RNLS: variants seen among roughly 807,000 people sequenced by gnomAD.
The protein encoded by RNLS is renalase.
Under a neutral mutation model 39.8 loss-of-function variants are expected in RNLS, and 39 were observed. The ratio of observed to expected loss-of-function variants is 0.98; its 90% CI spans 0.76 to 1.28. RNLS has a LOEUF of 1.28. RNLS is among the 50% of genes most tolerant of loss of function. RNLS has a pLI of 0.00. For missense variants in RNLS, 410 were observed against 413.3 expected (o/e 0.99, Z 0.07); for synonymous variants, 147 against 150.7 (o/e 0.98, Z 0.18).
At chr10:88,219,150 T>C in the RNLS span, among the ~76,000 whole-genome samples, 3 of 152,344 alleles carry the variant, frequency 2.0e-5, no homozygotes, top group Admixed American at 2.0e-4. Context: ...GACCACATAG[T>C]AAGTATTTAA....
intron 4 of RNLS, among the ~76,000 whole-genome samples, chr10:88,547,402 T>C (rs1312447338): frequency 1.3e-5 from 2 of 152,194 alleles, no homozygotes; most frequent in African/African-American, 4.8e-5. Flanking sequence ...TCTAAACTAG[T>C]AAGGTTTTAC....
chr10:88,346,057 A>G (rs148412126), intron 5 of RNLS, among the ~76,000 whole-genome samples: 19 of 152,298 alleles, frequency 1.2e-4, no homozygotes, highest in African/African-American at 2.2e-4. Flanking sequence ...CAAGATTCCA[A>G]TGCAAGATAG....
chr10:88,236,258 A>C, the RNLS span, among the ~76,000 whole-genome samples: 1 of 152,258 alleles, frequency 6.6e-6, no homozygotes, highest in Non-Finnish European at 1.5e-5. Context: ...AACTGTTGGC[A>C]CACTTCTTGT....
intron 4 of RNLS, among the ~76,000 whole-genome samples, chr10:88,504,842 AGAGT>A (rs1268113725): frequency 0.014 from 1,458 of 106,742 alleles, 5 homozygotes; most frequent in Middle Eastern, 0.033. Context: ...AGAGAGAGAC[AGAGT>A]GTGTGTGTGT....
chr10:88,326,575 T>C (rs531641302), intron 5 of RNLS, among the ~76,000 whole-genome samples: 2 of 152,188 alleles, frequency 1.3e-5, no homozygotes, highest in African/African-American at 2.4e-5. Flanking sequence ...CATTCACAAA[T>C]AGATGATTTG....
At chr10:88,349,755 G>T (rs752709) in intron 5 of RNLS, among the ~76,000 whole-genome samples, 1 of 151,368 alleles carries the variant, frequency 6.6e-6, no homozygotes, top group African/African-American at 2.4e-5. Flanking sequence ...TATATACATT[G>T]TGTATATATA....
chr10:88,456,549 A>T (rs1225679010), intron 4 of RNLS, among the ~76,000 whole-genome samples: 1 of 152,186 alleles, frequency 6.6e-6, no homozygotes, highest in Non-Finnish European at 1.5e-5. Context: ...AATAGAATTC[A>T]GGTGAGGAAA....
intron 4 of RNLS, among the ~76,000 whole-genome samples, chr10:88,409,104 G>C (rs1853489576): frequency 6.6e-6 from 1 of 152,032 alleles, no homozygotes; most frequent in Non-Finnish European, 1.5e-5. Context: ...GATGAGAACA[G>C]GTAAAAATCT....
chr10:88,198,183 C>T, the RNLS span, among the ~76,000 whole-genome samples: 258 of 152,304 alleles, frequency 1.7e-3, 2 homozygotes, highest in African/African-American at 5.8e-3. Context: ...TTGCTCTGAC[C>T]ACCTTAGTCA....
intron 4 of RNLS, among the ~76,000 whole-genome samples, chr10:88,423,193 T>C (rs903571067): frequency 6.6e-6 from 1 of 152,210 alleles, no homozygotes; most frequent in Non-Finnish European, 1.5e-5. Flanking sequence ...AAATCTAATT[T>C]CTATTTTCCC....
At chr10:88,349,384 CTGT>C (rs2133272789) in intron 5 of RNLS, among the ~76,000 whole-genome samples, 1 of 152,214 alleles carries the variant, frequency 6.6e-6, no homozygotes, top group Non-Finnish European at 1.5e-5. Context: ...TGAAAGGGGT[CTGT>C]TGTTTGTTTT....
chr10:88,293,014 A>T (rs1649747975), intron 6 of RNLS, among the ~76,000 whole-genome samples: 1 of 152,074 alleles, frequency 6.6e-6, no homozygotes, highest in African/African-American at 2.4e-5. Flanking sequence ...ATGCCATTGC[A>T]CTCCAGCCTG....
chr10:88,560,475 T>A (rs551585932), intron 4 of RNLS, among the ~76,000 whole-genome samples: 126 of 152,016 alleles, frequency 8.3e-4, no homozygotes, highest in African/African-American at 2.9e-3. Flanking sequence ...CCAGGCAATA[T>A]AGGAAAAATA....
intron 4 of RNLS, among the ~76,000 whole-genome samples, chr10:88,559,097 G>A (rs907340094): frequency 1.3e-5 from 2 of 152,042 alleles, no homozygotes; most frequent in Admixed American, 6.6e-5. Flanking sequence ...AAAGTATTTC[G>A]TTCTCATTTT....
chr10:88,259,538 T>C, the RNLS span, among the ~76,000 whole-genome samples: 6 of 152,196 alleles, frequency 3.9e-5, no homozygotes, highest in South Asian at 1.0e-3. Flanking sequence ...TTTTGGCCAA[T>C]CTGCACACAT....
chr10:88,410,726 CAGTG>C (rs1032835445), intron 4 of RNLS, among the ~76,000 whole-genome samples: 28 of 152,152 alleles, frequency 1.8e-4, no homozygotes, highest in African/African-American at 6.5e-4. Flanking sequence ...TAACCCAAGT[CAGTG>C]AGTTTCTTCA....
At chr10:88,290,940 A>G (rs568808067) in intron 6 of RNLS, among the ~76,000 whole-genome samples, 1 of 152,314 alleles carries the variant, frequency 6.6e-6, no homozygotes, top group East Asian at 1.9e-4. Flanking sequence ...CAGCAACTAG[A>G]CCTCATATTC....
chr10:88,283,811 A>C (rs1171157613), downstream of RNLS, among the ~76,000 whole-genome samples: 1 of 152,032 alleles, frequency 6.6e-6, no homozygotes, highest in Non-Finnish European at 1.5e-5. Context: ...CCTACCTGAG[A>C]GTAGAGGGTG....
At chr10:88,246,948 C>T in the RNLS span, among the ~76,000 whole-genome samples, 11 of 152,140 alleles carry the variant, frequency 7.2e-5, no homozygotes, top group African/African-American at 2.4e-4. Flanking sequence ...TTTTTTCTAG[C>T]CGTATGGTAA....
Sources: allele counts gnomAD v4.1 joint callset (sites outside exome capture counted in the v4.1 genomes callset), GRCh38; gene constraint gnomAD v4.1.1; transcripts MANE v1.5; gene names NCBI Gene and HGNC (gene_info 2026-07-23, HGNC 2026-07-21).